The following SLC12A2 variants were observed in gnomAD, a reference collection of about 807,000 sequenced individuals.
SLC12A2 encodes Na-K-2Cl cotransporter 1.
A neutral mutation model predicts 136.3 loss-of-function variants in SLC12A2; 67 were observed. That is an observed-to-expected ratio of 0.49 (90% CI 0.40 to 0.60). The LOEUF (loss-of-function observed/expected upper bound fraction) is 0.60, where lower values mean the gene tolerates loss of function less well. SLC12A2 is among the 20% of genes least tolerant of loss of function. The pLI is 0.00. For missense variants in SLC12A2, 1,322 were observed against 1,534.7 expected, an observed-to-expected ratio of 0.86 and a Z score of 2.32; for synonymous variants, 619 against 562.9, an observed-to-expected ratio of 1.10 and a Z score of -1.41.
Position 128,176,081 on chromosome 5 carries a change from T to G in SLC12A2, c.2930-1024T>G, listed in dbSNP as rs541206638. Among the ~76,000 whole-genome samples the G allele has an allele frequency of 5.9e-5, 9 of 152,162 alleles. No individual in the cohort carries two copies. The South Asian group carries it at 1.9e-3, about 31-fold the overall frequency. ...GTCTTCAGAATTAGAGACATTAGTGTGTAGTTGTTATAAATCCACAGTATT... is the reference window on the plus strand; with the variant it reads ...GTCTTCAGAATTAGAGACATTAGTGGGTAGTTGTTATAAATCCACAGTATT... On this transcript the variant is annotated intron_variant, in intron 20 of 26. Coordinates refer to ENST00000262461, the MANE Select transcript of SLC12A2 (RefSeq NM_001046.3).
chr5:128,123,615 T>A (rs964986814), intron 4 of SLC12A2, among the ~76,000 whole-genome samples: 25 of 152,212 alleles, frequency 1.6e-4, no homozygotes, highest in Non-Finnish European at 8.8e-5. Context: ...TATAAGTGTC[T>A]ACTCATATTT....
chr5:128,084,461 G>C lies in SLC12A2; in HGVS notation c.507G>C (p.Val169=). Residue 169 remains valine (V), a synonymous_variant, in exon 1 of 27, where the codon GTG becomes GTC. Transcript: ENST00000262461. This position sits in a 1 kb window ranked among gnomAD's most constrained non-coding sequence, Gnocchi z 5.6. ...GGGTCGGAGTCGACGGGCCCAACGTGAGCTTCCAGAACGGCGGGGACACGG... is the reference window on the plus strand; with the variant it reads ...GGGTCGGAGTCGACGGGCCCAACGTCAGCTTCCAGAACGGCGGGGACACGG... The part of the protein sequence containing the change: ...AAGVGVDGPN[V]SFQNGGDTVL... The C allele has an allele frequency of 1.2e-6, 2 of 1,613,104 alleles. No individual in the cohort carries two copies. Among genetic ancestry groups the C allele is most frequent in the Non-Finnish European group, 1.7e-6 (2 of 1,179,742 alleles).
chr5:128,134,091 A>G (rs1762109799), intron 5 of SLC12A2, 74 bp from the exon 6 acceptor site: 2 of 763,646 alleles, frequency 2.6e-6, no homozygotes, highest in Non-Finnish European at 4.5e-6. Context: ...TATCTCTAAA[A>G]TGTTTCAAAA....
intron 1 of SLC12A2, among the ~76,000 whole-genome samples, chr5:128,108,368 G>A (rs1282603995): frequency 6.6e-6 from 1 of 152,048 alleles, no homozygotes; most frequent in Non-Finnish European, 1.5e-5. Flanking sequence ...GTTCATGGCA[G>A]CATTATTCAT....
At position 128,105,343 on chromosome 5, in the gene SLC12A2, G is replaced by T. The variant is rs73784511; in HGVS notation, c.757-7471G>T. On this transcript the variant is annotated intron_variant, in intron 1 of 26. Transcript: ENST00000262461. ...GGAAAATACGGGATGAGCAAGGGAG[G>T]GGGGTATAGGACCAAGTGCTAAAGG... 7.9e-3 allele frequency among the ~76,000 whole-genome samples: 1,199 copies of T among 152,256 alleles called. 12 individuals carry two copies. Among genetic ancestry groups the T allele is most frequent in the Admixed American group, 0.031 (480 of 15,280 alleles).
rs545535952 is a variant in SLC12A2 at position 128,084,482 on chromosome 5, C to G, written c.528C>G (p.Asp176Glu). The G allele has an allele frequency of 6.2e-7, 1 of 1,609,496 alleles. No individual in the cohort carries two copies. The highest frequency in any genetic ancestry group is 8.5e-7 in the Non-Finnish European group (1 of 1,178,874). The change falls in exon 1 of 27, where the codon GAC (aspartate) becomes GAG (glutamate). Residue 176 changes from aspartate (D) to glutamate (E), a missense_variant. Physicochemically the swap from Asp to Glu is conservative, Grantham distance 45. This residue lies in a region of SLC12A2 where 358 missense variants were observed against 299.7 expected (regional missense o/e 1.19). Transcript: ENST00000262461. This position sits in a 1 kb window ranked among gnomAD's most constrained non-coding sequence, Gnocchi z 5.6. The part of the protein sequence containing the change: ...GPNVSFQNGG[D>E]TVLSEGSSLH... ...ACGTGAGCTTCCAGAACGGCGGGGA[C>G]ACGGTGCTGAGCGAGGGCAGCAGCC...
chr5:128,144,390 G>T (rs1014134125), intron 10 of SLC12A2, among the ~76,000 whole-genome samples: 1 of 152,048 alleles, frequency 6.6e-6, no homozygotes, highest in African/African-American at 2.4e-5. Flanking sequence ...CATAAATGAG[G>T]AGTATGTAAG....
chr5:128,117,432 GATAA>G (rs1176466751), intron 4 of SLC12A2, among the ~76,000 whole-genome samples: 3 of 152,104 alleles, frequency 2.0e-5, no homozygotes, highest in Non-Finnish European at 4.4e-5. Flanking sequence ...TATGAAAATT[GATAA>G]ATAAATAGTG....
At chr5:128,121,722 C>T (rs973552700) in intron 4 of SLC12A2, among the ~76,000 whole-genome samples, 1 of 152,142 alleles carries the variant, frequency 6.6e-6, no homozygotes, top group Admixed American at 6.6e-5. Flanking sequence ...GAACTGATAA[C>T]GTTTACTTTA....
At chr5:128,160,076 A>C (rs538572856) in intron 16 of SLC12A2, among the ~76,000 whole-genome samples, 1 of 152,344 alleles carries the variant, frequency 6.6e-6, no homozygotes, top group Admixed American at 6.5e-5. Flanking sequence ...GAATGAGTTC[A>C]TGTCCTTTGC....
At chr5:128,174,487 T>C (rs1257382346) in intron 19 of SLC12A2, 54 bp from the exon 20 acceptor site, 9 of 1,366,500 alleles carry the variant, frequency 6.6e-6, no homozygotes, top group Non-Finnish European at 9.1e-6. Context: ...TAATGCCTTA[T>C]TTAACAGTTA....
At chr5:128,141,351 ATATAAT>A (rs1175960320) in intron 9 of SLC12A2, among the ~76,000 whole-genome samples, 1 of 152,214 alleles carries the variant, frequency 6.6e-6, no homozygotes, top group Non-Finnish European at 1.5e-5. Flanking sequence ...AGAGATTTAA[ATATAAT>A]TATAATTCAT....
chr5:128,174,918 A>G (rs1581137188), intron 20 of SLC12A2, among the ~76,000 whole-genome samples: 1 of 152,058 alleles, frequency 6.6e-6, no homozygotes, highest in Admixed American at 6.6e-5. Context: ...GTTTTTATTT[A>G]TAGTTGCTTT....
chr5:128,096,465 G>A (rs1760541144), intron 1 of SLC12A2, among the ~76,000 whole-genome samples: 1 of 151,902 alleles, frequency 6.6e-6, no homozygotes, highest in Non-Finnish European at 1.5e-5. Flanking sequence ...TAATGTTATG[G>A]CAAATAACTC....
chr5:128,114,434 T>G (rs1428542621), intron 3 of SLC12A2, 147 bp downstream of exon 3: 1 of 810,882 alleles, frequency 1.2e-6, no homozygotes, highest in Non-Finnish European at 2.0e-6. Flanking sequence ...CCTTTTTTCA[T>G]AATTCTGATT....
At chr5:128,129,802 T>A (rs1239412944) in intron 4 of SLC12A2, among the ~76,000 whole-genome samples, 1 of 152,194 alleles carries the variant, frequency 6.6e-6, no homozygotes, top group African/African-American at 2.4e-5. Context: ...CAAGTTTTGA[T>A]TGTGACCTAA....
intron 7 of SLC12A2, among the ~76,000 whole-genome samples, chr5:128,138,180 C>A (rs1326553920): frequency 6.6e-6 from 1 of 152,166 alleles, no homozygotes; most frequent in East Asian, 1.9e-4. Flanking sequence ...CTCAAGAAAT[C>A]TGCCTGCTTC....
chr5:128,162,486 A>G (rs1009630891), intron 17 of SLC12A2, among the ~76,000 whole-genome samples: 1 of 152,180 alleles, frequency 6.6e-6, no homozygotes, highest in Admixed American at 6.5e-5. Context: ...TTTTGTTTTT[A>G]GAAAAAATTC....
intron 22 of SLC12A2, among the ~76,000 whole-genome samples, chr5:128,180,651 C>T (rs896058241): frequency 6.6e-6 from 1 of 152,152 alleles, no homozygotes; most frequent in East Asian, 1.9e-4. Flanking sequence ...TGATCTCGAC[C>T]TTACCAGGCC....
Sources: gnomAD v4.1 joint callset for allele counts (sites outside exome capture counted in the v4.1 genomes callset) on GRCh38, gnomAD v4.1.1 for gene constraint, gnomAD v4.1.1 regional missense constraint, Gnocchi (gnomAD v3.1) non-coding constraint, MANE v1.5 for transcripts, NCBI Gene and HGNC (gene_info 2026-07-23, HGNC 2026-07-21) for gene names.